TRDMT1: variants seen among roughly 807,000 people sequenced by gnomAD.
TRDMT1 encodes tRNA aspartic acid methyltransferase 1.
A neutral mutation model predicts 51.2 loss-of-function variants in TRDMT1; 49 were observed. The observed-to-expected ratio is 0.96, with a 90% CI of 0.76 to 1.21. The LOEUF (loss-of-function observed/expected upper bound fraction) is 1.21, where lower values mean the gene tolerates loss of function less well. Among genes scored for constraint, TRDMT1 ranks in the 50% most tolerant of loss-of-function variants. The pLI, the probability that TRDMT1 is intolerant of heterozygous loss-of-function variation, is 0.00. For synonymous variants in TRDMT1, 187 were observed against 164.6 expected (o/e 1.14, Z -1.04); for missense variants, 534 against 462.3 (o/e 1.16, Z -1.42).
At chr10:17,182,001 T>C (rs1477671177) in intron 1 of TRDMT1, among the ~76,000 whole-genome samples, 1 of 152,190 alleles carries the variant, frequency 6.6e-6, no homozygotes. Context: ...CTCGGTCAAG[T>C]GCCTGAGCCA....
rs149656405 is a variant in TRDMT1 at position 17,158,183 on chromosome 10, C to T, written c.544-399G>A. Among the ~76,000 whole-genome samples, 597 of 151,820 alleles carry T rather than the reference C, an allele frequency of 3.9e-3. 3 individuals are homozygous for T. The highest frequency in any genetic ancestry group is 0.014 in the African/African-American group (567 of 41,454). On this transcript the variant is annotated intron_variant, in intron 7 of 10. Coordinates refer to ENST00000377799, the MANE Select transcript of TRDMT1 (RefSeq NM_004412.7). ...ATACTCCTTCATTAAAAAGGAAAAA[C>T]CAAAACATAGCTATGATCTAAAGGA...
intron 3 of TRDMT1, among the ~76,000 whole-genome samples, chr10:17,163,885 A>G (rs187374451): frequency 1.2e-3 from 181 of 152,306 alleles, no homozygotes; most frequent in Non-Finnish European, 2.3e-3. Context: ...ATAGCTTACC[A>G]ACCAAAAAAA....
Position 17,162,178 on chromosome 10 carries a change from T to A in TRDMT1, c.311A>T (p.Asp104Val). The change falls in exon 4 of 11, where the codon GAT becomes GTT. Residue 104 changes from aspartate to valine, a missense_variant. Physicochemically the swap from Asp to Val is radical, Grantham distance 152. Transcript: ENST00000377799. Reference sequence around the variant, plus strand: ...CCTAAGTTTTTACCTTGGGAGAATATCTAGAATATGTAAGAAGCTATTCGT... The same window carrying A: ...CCTAAGTTTTTACCTTGGGAGAATAACTAGAATATGTAAGAAGCTATTCGT... Reference protein sequence around the residue: ...SRTNSFLHILDILPRLQKLPK... With the variant: ...SRTNSFLHILVILPRLQKLPK... 1 of 1,609,356 alleles carries A rather than the reference T, an allele frequency of 6.2e-7. No homozygotes were observed. The highest frequency in any genetic ancestry group is 2.2e-5 in the East Asian group (1 of 44,676).
intron 1 of TRDMT1, 164 bp downstream of exon 1, chr10:17,201,407 C>A (rs1885395): frequency 4.4e-5 from 28 of 632,574 alleles, no homozygotes; most frequent in Non-Finnish European, 6.7e-5. Flanking sequence ...GGGGTGGACA[C>A]GGCGGCGCGC....
At chr10:17,201,476 C>CCCCACAGTGTCCGA in intron 1 of TRDMT1, 95 bp downstream of exon 1, 2 of 1,339,314 alleles carry the variant, frequency 1.5e-6, no homozygotes, top group South Asian at 1.3e-5. Context: ...ACAGTGTCCG[C>CCCCACAGTGTCCGA]CCCTTGCGTC....
Position 17,147,232 on chromosome 10 carries a change from A to G in TRDMT1, c.*1808T>C. The G allele has an allele frequency of 2.0e-6, 2 of 985,854 alleles. No individual in the cohort carries two copies. The highest frequency in any genetic ancestry group is 2.3e-4 in the East Asian group (2 of 8,816). The allele number at this position is 985,854 out of a possible 1,614,324, so 61.1% of individuals were successfully genotyped here. ...GTGCCAAAATAATTTGTGATTGTTT[A>G]CTGAAATTTATGAGACTTGTAATAG... On this transcript the variant is annotated 3_prime_UTR_variant, in exon 11 of 11. Coordinates refer to ENST00000377799, the MANE Select transcript of TRDMT1 (RefSeq NM_004412.7).
Position 17,146,097 on chromosome 10 carries a change from G to A in TRDMT1, c.*2943C>T. The A allele has an allele frequency of 1.0e-6, 1 of 985,342 alleles. No homozygotes were observed. The highest frequency in any genetic ancestry group is 1.2e-6 in the Non-Finnish European group (1 of 829,918). 61.0% of individuals were successfully genotyped at this position (985,342 alleles called of 1,614,324 possible). ...CATGGTAGCAATACAGCCTTTCAGG[G>A]CAACTTAAAAGCCTCTCTACTAAAT... On this transcript the variant is annotated 3_prime_UTR_variant, in exon 11 of 11. Transcript: ENST00000377799.
chr10:17,178,862 T>C (rs1323570040), intron 1 of TRDMT1, among the ~76,000 whole-genome samples: 1 of 152,152 alleles, frequency 6.6e-6, no homozygotes, highest in Non-Finnish European at 1.5e-5. Context: ...TTATTATTGT[T>C]ACTAACACCA....
chr10:17,201,456 T>TCCGCCCCACAGC (rs1846157054), intron 1 of TRDMT1, 115 bp downstream of exon 1: 1 of 1,149,426 alleles, frequency 8.7e-7, no homozygotes, highest in African/African-American at 1.6e-5. Context: ...CGCCCCACAG[T>TCCGCCCCACAGC]GTCCGCCCCA....
At chr10:17,155,452 T>C (rs1839374949) in intron 8 of TRDMT1, among the ~76,000 whole-genome samples, 1 of 152,166 alleles carries the variant, frequency 6.6e-6, no homozygotes, top group Admixed American at 6.5e-5. Context: ...GCCATTTTTA[T>C]CAGGCCTGAA....
chr10:17,160,053 T>C (rs1336829609), intron 6 of TRDMT1, among the ~76,000 whole-genome samples: 1 of 152,158 alleles, frequency 6.6e-6, no homozygotes, highest in Admixed American at 6.6e-5. Flanking sequence ...AAATATGCTA[T>C]CCTTTGCTCT....
At position 17,144,923 on chromosome 10, in the gene TRDMT1, T is replaced by C. The variant is rs1009029089; in HGVS notation, c.*4117A>G. The C allele has an allele frequency of 1.2e-5, 12 of 984,932 alleles. No individual in the cohort carries two copies. Among genetic ancestry groups the C allele is most frequent in the Non-Finnish European group, 1.3e-5 (11 of 829,874 alleles). 61.0% of individuals were successfully genotyped at this position (984,932 alleles called of 1,614,324 possible). A position where few individuals can be genotyped will look rare whatever the true frequency, so the allele number is the denominator to read the frequency against. ...TCATGCAAACTGAAACTAAAGAACA[T>C]GTGCAAGATGCTTAATGCCTTTTTA... On this transcript the variant is annotated 3_prime_UTR_variant, in exon 11 of 11. Transcript: ENST00000377799.
intron 1 of TRDMT1, among the ~76,000 whole-genome samples, chr10:17,183,645 C>G (rs987360744): frequency 1.3e-5 from 2 of 152,152 alleles, no homozygotes; most frequent in African/African-American, 4.8e-5. Flanking sequence ...TCTCGAACTC[C>G]TGACCTCATG....
In TRDMT1 at chr10:17,157,774, T is replaced by C. The variant is rs201936180; in HGVS notation, c.554A>G (p.Glu185Gly). 2.6e-4 allele frequency: 412 copies of C among 1,590,620 alleles called. No homozygotes were observed. The highest frequency in any genetic ancestry group is 2.6e-4 in the Non-Finnish European group (305 of 1,170,182). Residue 185 changes from glutamate to glycine, a missense_variant, in exon 8 of 11, where the codon GAG becomes GGG. Glu to Gly is a moderately conservative substitution (Grantham distance 98). Coordinates refer to ENST00000377799, the MANE Select transcript of TRDMT1 (RefSeq NM_004412.7). ...ATGTACAGATTCAATTTTGGGGAAC[T>C]CCATCAGTACCTGGCATTACATAAA... The part of the protein sequence containing the change: ...PFQAPGQVLM[E>G]FPKIESVHPQ...
chr10:17,150,461 A>G (rs892430046), intron 10 of TRDMT1: 4 of 985,258 alleles, frequency 4.1e-6, no homozygotes, highest in Non-Finnish European at 4.8e-6. Context: ...CTTTCTTAAA[A>G]CAAAAAGGCC....
chr10:17,146,008 C>G lies in TRDMT1; in HGVS notation c.*3032G>C. ...AGATGGTGATTTCTGCTGAGAACTT[C>G]CACCCCTACCAATGCGTTGAATTGC... On this transcript the variant is annotated 3_prime_UTR_variant, in exon 11 of 11. Transcript: ENST00000377799. 2 of 985,472 alleles carry G rather than the reference C, an allele frequency of 2.0e-6. No individual in the cohort carries two copies. The highest frequency in any genetic ancestry group is 9.4e-5 in the South Asian group (2 of 21,288). 61.0% of individuals were successfully genotyped at this position (985,472 alleles called of 1,614,324 possible).
intron 1 of TRDMT1, among the ~76,000 whole-genome samples, chr10:17,179,754 T>TAAAAAAAAAAAAAAA (rs10709345): frequency 7.9e-6 from 1 of 127,038 alleles, no homozygotes. Context: ...TCTCTACTAA[T>TAAAAAAAAAAAAAAA]AAAAAAAAAA....
At chr10:17,175,923 T>G (rs1219295414) in intron 1 of TRDMT1, among the ~76,000 whole-genome samples, 1 of 152,124 alleles carries the variant, frequency 6.6e-6, no homozygotes, top group Non-Finnish European at 1.5e-5. Context: ...AAAAGTAAGA[T>G]CCCCTGCGTG....
intron 1 of TRDMT1, among the ~76,000 whole-genome samples, chr10:17,179,763 A>G (rs2131549273): frequency 6.6e-6 from 1 of 151,556 alleles, no homozygotes; most frequent in Non-Finnish European, 1.5e-5. Flanking sequence ...ATAAAAAAAA[A>G]AAAAAAAAGG....
Sources: allele counts gnomAD v4.1 joint callset (sites outside exome capture counted in the v4.1 genomes callset), GRCh38; gene constraint gnomAD v4.1.1; transcripts MANE v1.5; gene names NCBI Gene and HGNC (gene_info 2026-07-23, HGNC 2026-07-21).